The following RYR2 variants were observed in gnomAD, a reference collection of about 807,000 sequenced individuals.
RYR2 encodes ryanodine receptor 2.
A neutral mutation model predicts 601.1 loss-of-function variants in RYR2; 227 were observed. That is an observed-to-expected ratio of 0.38 (90% CI 0.34 to 0.42). The LOEUF (loss-of-function observed/expected upper bound fraction) is 0.42, where lower values mean the gene tolerates loss of function less well. Among genes scored for constraint, RYR2 ranks in the 10% least tolerant of loss-of-function variants. RYR2 has a pLI of 1.00. For missense variants in RYR2, 4,646 were observed against 6,156.5 expected (o/e 0.75, Z 8.21); for synonymous variants, 2,223 against 2,175.1 (o/e 1.02, Z -0.61).
At chr1:237,738,397 AC>A (rs1436649174) in intron 79 of RYR2, among the ~76,000 whole-genome samples, 3 of 152,182 alleles carry the variant, frequency 2.0e-5, no homozygotes, top group Non-Finnish European at 4.4e-5. Context: ...ACAAGAAACA[AC>A]CTAGAGAATT....
intron 80 of RYR2, among the ~76,000 whole-genome samples, chr1:237,745,308 G>T (rs561328929): frequency 6.6e-6 from 1 of 152,202 alleles, no homozygotes; most frequent in Admixed American, 6.5e-5. Flanking sequence ...GGTATAATAA[G>T]AATTTGGTAG....
At chr1:237,250,423 A>G (rs747208558) in intron 1 of RYR2, among the ~76,000 whole-genome samples, 1 of 152,094 alleles carries the variant, frequency 6.6e-6, no homozygotes, top group African/African-American at 2.4e-5. Flanking sequence ...TCCATTTTCT[A>G]TGGTAATACC....
chr1:237,083,051 C>T (rs1400239017), intron 1 of RYR2, among the ~76,000 whole-genome samples: 10 of 152,122 alleles, frequency 6.6e-5, no homozygotes, highest in African/African-American at 2.4e-4. Flanking sequence ...ATAGCCTGGC[C>T]CTGCTTCTGG....
At position 237,547,697 on chromosome 1, in the gene RYR2, A is replaced by C. The variant is rs939509392; in HGVS notation, c.2907-734A>C. Among the ~76,000 whole-genome samples the C allele has an allele frequency of 2.6e-5, 4 of 152,350 alleles. No homozygotes were observed. In the South Asian group the frequency reaches 6.2e-4, roughly 24 times the overall value. ...CTATTGCCCTTATATGTGTGCATTG[A>C]AAAGTTAATATTTTCAACTTTGTAT... On this transcript the variant is annotated intron_variant, in intron 25 of 104. Transcript: ENST00000366574.
chr1:237,436,453 C>CATTTTTTTTTTTTTTTTTTTTTTT (rs1491092540), intron 12 of RYR2, among the ~76,000 whole-genome samples: 13 of 55,818 alleles, frequency 2.3e-4, no homozygotes, highest in Non-Finnish European at 3.1e-4. Context: ...GTGTGATTTT[C>CATTTTTTTTTTTTTTTTTTTTTTT]CTTTTTTTTT....
At chr1:237,222,952 C>T (rs1250312698) in intron 1 of RYR2, among the ~76,000 whole-genome samples, 2 of 152,232 alleles carry the variant, frequency 1.3e-5, no homozygotes, top group East Asian at 3.9e-4. Context: ...GTAATCCCAG[C>T]TACGCACGCA....
intron 58 of RYR2, among the ~76,000 whole-genome samples, chr1:237,671,541 G>A (rs1014312764): frequency 4.6e-5 from 7 of 151,654 alleles, no homozygotes; most frequent in East Asian, 1.9e-4. Context: ...GTGTGTGTGC[G>A]TGTGAGAGAG....
At chr1:237,066,551 G>A (rs982891273) in intron 1 of RYR2, among the ~76,000 whole-genome samples, 1 of 143,868 alleles carries the variant, frequency 7.0e-6, no homozygotes, top group African/African-American at 2.6e-5. Context: ...TAGGTGTGTA[G>A]TGATATCTAA....
intron 2 of RYR2, among the ~76,000 whole-genome samples, chr1:237,287,179 C>G (rs1435550314): frequency 6.6e-6 from 1 of 152,162 alleles, no homozygotes; most frequent in Non-Finnish European, 1.5e-5. Context: ...GAGAAATCTG[C>G]TGTTAATCTG....
intron 100 of RYR2, among the ~76,000 whole-genome samples, chr1:237,809,242 G>A (rs980544644): frequency 6.6e-6 from 1 of 152,316 alleles, no homozygotes; most frequent in East Asian, 1.9e-4. Context: ...GTGCTGCACA[G>A]CCTAATAATT....
chr1:237,588,106 G>A (rs1286773345), intron 29 of RYR2, among the ~76,000 whole-genome samples: 22 of 152,098 alleles, frequency 1.4e-4, no homozygotes, highest in Admixed American at 1.3e-3. Flanking sequence ...ATAGCTTTAA[G>A]AGCTGTCACA....
intron 78 of RYR2, 51 bp from the exon 79 acceptor site, chr1:237,733,654 T>G (rs1005146505): frequency 7.3e-6 from 9 of 1,228,480 alleles, no homozygotes; most frequent in Non-Finnish European, 9.6e-6. Flanking sequence ...TACGTGTGCA[T>G]GTGCCTAGCC....
At chr1:237,260,778 A>C (rs1313408979) in intron 1 of RYR2, among the ~76,000 whole-genome samples, 4 of 152,246 alleles carry the variant, frequency 2.6e-5, no homozygotes, top group Non-Finnish European at 1.5e-5. Flanking sequence ...TGTTGTCTAT[A>C]CATTTATAAA....
Position 237,550,676 on chromosome 1 carries a change from C to T in RYR2, c.3199C>T (p.Pro1067Ser), listed in dbSNP as rs778889621. 3 of 1,557,802 alleles carry T rather than the reference C, an allele frequency of 1.9e-6. No individual in the cohort carries two copies. Among genetic ancestry groups the T allele is most frequent in the Non-Finnish European group, 8.7e-7 (1 of 1,150,686 alleles). ...LLGYGYNLEAPDQDHAARAEV... is the reference protein window; with the variant it reads ...LLGYGYNLEASDQDHAARAEV... The stretch of plus-strand genomic sequence containing the variant: ...GGGGTACGGCTACAACTTGGAAGCA[C>T]CAGATCAAGATCATGGTATTTTGGT... The change falls in exon 27 of 105, where the codon CCA becomes TCA. Residue 1067 changes from proline to serine, a missense_variant. Transcript: ENST00000366574.
intron 85 of RYR2, 67 bp from the exon 86 acceptor site, chr1:237,771,945 G>A (rs1694304296): frequency 1.2e-6 from 1 of 862,734 alleles, no homozygotes; most frequent in Non-Finnish European, 1.9e-6. Context: ...TTTGCCTTTG[G>A]AGTTCTTAGA....
chr1:237,251,315 C>T (rs1471839834), intron 1 of RYR2, among the ~76,000 whole-genome samples: 2 of 152,192 alleles, frequency 1.3e-5, no homozygotes, highest in Non-Finnish European at 2.9e-5. Context: ...CTTAAGTCCC[C>T]TCCATTCTGG....
At chr1:237,434,651 G>A (rs963130412) in intron 12 of RYR2, among the ~76,000 whole-genome samples, 1 of 152,120 alleles carries the variant, frequency 6.6e-6, no homozygotes, top group Admixed American at 6.5e-5. Flanking sequence ...CTCTGTAGGC[G>A]ATTTCCTCTG....
intron 1 of RYR2, among the ~76,000 whole-genome samples, chr1:237,220,838 A>G (rs1442841298): frequency 6.6e-6 from 1 of 152,066 alleles, no homozygotes; most frequent in African/African-American, 2.4e-5. Flanking sequence ...TCTTTCATTA[A>G]TAAATACTGG....
At position 237,338,536 on chromosome 1, in the gene RYR2, A is replaced by T. The variant is rs1180010155; in HGVS notation, c.273+7554A>T. ...GTTGAGTTCCTATCGTATTCCAGACAGGCATCTTCCTAAGCCATGAATACA... is the reference window on the plus strand; with the variant it reads ...GTTGAGTTCCTATCGTATTCCAGACTGGCATCTTCCTAAGCCATGAATACA... On this transcript the variant is annotated intron_variant, in intron 3 of 104. Transcript: ENST00000366574. 2.6e-5 allele frequency among the ~76,000 whole-genome samples: 4 copies of T among 152,240 alleles called. No individual in the cohort carries two copies. In the East Asian group the frequency reaches 7.7e-4, roughly 29 times the overall value.
Sources: gnomAD v4.1 joint callset for allele counts (sites outside exome capture counted in the v4.1 genomes callset) on GRCh38, gnomAD v4.1.1 for gene constraint, MANE v1.5 for transcripts, NCBI Gene and HGNC (gene_info 2026-07-23, HGNC 2026-07-21) for gene names.